PIGB: variants seen among roughly 807,000 people sequenced by gnomAD.
PIGB encodes GPI alpha-1,2-mannosyltransferase 3.
PIGB carries 58 observed loss-of-function variants against 68.4 expected under a neutral mutation model. The ratio of observed to expected loss-of-function variants is 0.85; its 90% CI spans 0.69 to 1.06. The LOEUF (loss-of-function observed/expected upper bound fraction) is 1.06. Among genes scored for constraint, PIGB ranks in the 50% least tolerant of loss-of-function variants. The pLI, the probability that PIGB is intolerant of heterozygous loss-of-function variation, is 0.00. For missense variants in PIGB, 634 were observed against 655.8 expected, an observed-to-expected ratio of 0.97 and a Z score of 0.36; for synonymous variants, 219 against 220.5, an observed-to-expected ratio of 0.99 and a Z score of 0.06.
intron 10 of PIGB, among the ~76,000 whole-genome samples, chr15:55,353,620 T>C (rs541645471): frequency 6.6e-6 from 1 of 152,308 alleles, no homozygotes; most frequent in Admixed American, 6.5e-5. Flanking sequence ...TTTTTTGTTT[T>C]GAGACAGACT....
At chr15:55,324,302 T>TA (rs1263652597) in intron 3 of PIGB, among the ~76,000 whole-genome samples, 1 of 152,230 alleles carries the variant, frequency 6.6e-6, no homozygotes, top group Non-Finnish European at 1.5e-5. Flanking sequence ...GTGCTCAAGT[T>TA]ACGCCTGGCA....
In PIGB at chr15:55,355,397, T is replaced by A. The variant is rs374303086; in HGVS notation, c.1630T>A (p.Leu544Ile). Residue 544 changes from leucine (L) to isoleucine (I), a missense_variant, in exon 12 of 12, where the codon TTA becomes ATA. By Grantham distance (5) the Leu-to-Ile change is conservative. Coordinates refer to ENST00000164305, the MANE Select transcript of PIGB (RefSeq NM_004855.5). ...GSHIYVYERK[L>I]KGKFNMKMKF ...TCACATATATGTCTATGAACGGAAGTTAAAAGGGAAATTCAACATGAAGAT... is the reference window on the plus strand; with the variant it reads ...TCACATATATGTCTATGAACGGAAGATAAAAGGGAAATTCAACATGAAGAT... 3.4e-5 allele frequency: 55 copies of A among 1,608,882 alleles called. 2 individuals are homozygous for A. In the South Asian group the frequency reaches 5.8e-4, roughly 17 times the overall value.
chr15:55,355,524 GA>G lies in PIGB; in HGVS notation c.*98del. 1 of 1,025,904 alleles carries G rather than the reference GA, an allele frequency of 9.7e-7. No individual in the cohort carries two copies. Among genetic ancestry groups the G allele is most frequent in the African/African-American group, 1.6e-5 (1 of 61,418 alleles). 63.6% of individuals were successfully genotyped at this position (1,025,904 alleles called of 1,614,324 possible). A position where few individuals can be genotyped will look rare whatever the true frequency, so the allele number is the denominator to read the frequency against. ...CACTGGGTAAGATTCATGGAACTTA[GA>G]AAAAAGCTGTATGAACTGCTTTACC... On this transcript the variant is annotated 3_prime_UTR_variant, in exon 12 of 12. Transcript: ENST00000164305.
In PIGB at chr15:55,333,862, T is replaced by A; in HGVS notation, c.654-5T>A. ...CTTGTCTTATCACACATTTTCCTCTTATAGTGTCAAATACTCATCCCTGGT... is the reference window on the plus strand; with the variant it reads ...CTTGTCTTATCACACATTTTCCTCTAATAGTGTCAAATACTCATCCCTGGT... On this transcript the variant is annotated splice_region_variant and splice_polypyrimidine_tract_variant and intron_variant, in intron 5 of 11. Transcript: ENST00000164305. 2 of 1,565,180 alleles carry A rather than the reference T, an allele frequency of 1.3e-6. No homozygotes were observed. The highest frequency in any genetic ancestry group is 1.7e-6 in the Non-Finnish European group (2 of 1,156,012).
At chr15:55,353,552 G>A (rs927105135) in intron 10 of PIGB, among the ~76,000 whole-genome samples, 2 of 152,026 alleles carry the variant, frequency 1.3e-5, no homozygotes, top group Non-Finnish European at 1.5e-5. Flanking sequence ...TAAGTAACTG[G>A]CTTAAATTGT....
intron 1 of PIGB, 34 bp from the exon 2 acceptor site, chr15:55,320,241 G>A (rs1394666107): frequency 1.3e-6 from 2 of 1,596,652 alleles, no homozygotes; most frequent in Non-Finnish European, 1.7e-6. Context: ...CCTGACTTTT[G>A]TGCCACTATT....
Position 55,327,508 on chromosome 15 carries a change from G to C in PIGB, c.418-23G>C, listed in dbSNP as rs751317506. 4.7e-6 allele frequency: 7 copies of C among 1,481,858 alleles called. No individual in the cohort carries two copies. In the African/African-American group the frequency reaches 7.0e-5, roughly 15 times the overall value. The allele number at this position is 1,481,858 out of a possible 1,614,324, so 91.8% of individuals were successfully genotyped here. On this transcript the variant is annotated intron_variant, in intron 3 of 11. Transcript: ENST00000164305. ...AACCAACAGATATTTTTAACATCCT[G>C]TTCTTCTTTTTAACTGATGAAGATT...
chr15:55,334,054 C>G (rs1566952017), intron 6 of PIGB, 47 bp downstream of exon 6: 2 of 1,384,768 alleles, frequency 1.4e-6, no homozygotes, highest in Non-Finnish European at 1.9e-6. Context: ...GCCTACAAAT[C>G]ACAGATTACG....
intron 6 of PIGB, among the ~76,000 whole-genome samples, chr15:55,336,634 T>A (rs2055542511): frequency 6.6e-6 from 1 of 152,188 alleles, no homozygotes; most frequent in African/African-American, 2.4e-5. Flanking sequence ...ATTTTAAAGT[T>A]GAAAAATCGT....
In PIGB at chr15:55,355,123, G is replaced by T. The variant is rs1367625870; in HGVS notation, c.1518+145G>T. 3 of 893,924 alleles carry T rather than the reference G, an allele frequency of 3.4e-6. No individual in the cohort carries two copies. The African/African-American group carries it at 5.1e-5, about 15-fold the overall frequency. 55.4% of individuals were successfully genotyped at this position (893,924 alleles called of 1,614,324 possible). A position where few individuals can be genotyped will look rare whatever the true frequency, so the allele number is the denominator to read the frequency against. On this transcript the variant is annotated intron_variant, in intron 11 of 11. Transcript: ENST00000164305. ...TTAGTCTTTTCTCCAGTCAAAATTA[G>T]CCCCAGTTCTGTAACTATCAAAGTA...
At chr15:55,352,092 G>A (rs142293366) in intron 10 of PIGB, among the ~76,000 whole-genome samples, 4,307 of 151,432 alleles carry the variant, frequency 0.028, 64 homozygotes, top group Non-Finnish European at 0.035. Context: ...AAGATTACAG[G>A]AATGTGCCAC....
At chr15:55,338,152 T>G (rs28458789) in intron 6 of PIGB, among the ~76,000 whole-genome samples, 2,788 of 152,222 alleles carry the variant, frequency 0.018, 91 homozygotes, top group African/African-American at 0.064. Flanking sequence ...TCATAGAGCT[T>G]TACCTTCATA....
chr15:55,334,154 A>G, intron 6 of PIGB, 147 bp downstream of exon 6: 1 of 482,490 alleles, frequency 2.1e-6, no homozygotes, highest in South Asian at 6.7e-5. Context: ...TGCAAAACTT[A>G]TATTTTTTAT....
rs2055229169 is a variant in PIGB at position 55,324,219 on chromosome 15, C to T, written c.417+2829C>T. Reference sequence around the variant, plus strand: ...GAAGACAACAAAAGGGTATTTGGCTCCTGTAGCTTAGGGGAGGAGTCAGGA... The same window carrying T: ...GAAGACAACAAAAGGGTATTTGGCTTCTGTAGCTTAGGGGAGGAGTCAGGA... On this transcript the variant is annotated intron_variant, in intron 3 of 11. Transcript: ENST00000164305. Among the ~76,000 whole-genome samples, 3 of 152,174 alleles carry T rather than the reference C, an allele frequency of 2.0e-5. No individual in the cohort carries two copies. In the South Asian group the frequency reaches 6.2e-4, roughly 32 times the overall value.
intron 1 of PIGB, chr15:55,319,695 C>T (rs2055118669): frequency 7.6e-6 from 2 of 263,178 alleles, no homozygotes; most frequent in Non-Finnish European, 1.4e-5. Context: ...GGTTTGAATC[C>T]TGATAAGTAA....
intron 3 of PIGB, among the ~76,000 whole-genome samples, chr15:55,324,076 C>T (rs1439232516): frequency 2.0e-5 from 3 of 152,070 alleles, no homozygotes; most frequent in African/African-American, 7.2e-5. Flanking sequence ...TTAGTAGAGA[C>T]GGGGTTTCAC....
intron 9 of PIGB, among the ~76,000 whole-genome samples, chr15:55,347,577 G>A (rs557569628): frequency 3.9e-5 from 6 of 152,240 alleles, no homozygotes; most frequent in South Asian, 2.1e-4. Context: ...AAAGCTCATC[G>A]GATCCATAAT....
rs770443855 is a variant in PIGB at position 55,320,256 on chromosome 15, G to C, written c.164-19G>C. On this transcript the variant is annotated intron_variant, in intron 1 of 11. Transcript: ENST00000164305. Reference sequence around the variant, plus strand: ...CCTGACTTTTGTGCCACTATTACCTGTTTTGTTCTGTTTTTCAGATCTTCT... The same window carrying C: ...CCTGACTTTTGTGCCACTATTACCTCTTTTGTTCTGTTTTTCAGATCTTCT... 3 of 1,608,350 alleles carry C rather than the reference G, an allele frequency of 1.9e-6. No homozygotes were observed. The Admixed American group carries it at 5.1e-5, about 27-fold the overall frequency.
At position 55,355,341 on chromosome 15, in the gene PIGB, A is replaced by C. The variant is rs778049348; in HGVS notation, c.1574A>C (p.His525Pro). The C allele has an allele frequency of 1.2e-6, 2 of 1,611,484 alleles. No homozygotes were observed. The highest frequency in any genetic ancestry group is 1.7e-6 in the Non-Finnish European group (2 of 1,177,922). Residue 525 changes from histidine (H) to proline (P), a missense_variant, in exon 12 of 12, where the codon CAC becomes CCC. Transcript: ENST00000164305. ...SNYKRTAVFF[H>P]THLPEGRIGS... ...TATAAAAGAACTGCTGTTTTCTTCC[A>C]CACTCACTTGCCAGAGGGTCGAATT...
Sources: allele counts gnomAD v4.1 joint callset (sites outside exome capture counted in the v4.1 genomes callset), GRCh38; gene constraint gnomAD v4.1.1; transcripts MANE v1.5; gene names NCBI Gene and HGNC (gene_info 2026-07-23, HGNC 2026-07-21).